AUTS2: variants seen among roughly 807,000 people sequenced by gnomAD.
AUTS2 encodes the protein activator of transcription and developmental regulator AUTS2.
In AUTS2, 17 loss-of-function variants were observed where a neutral mutation model predicts 112.4. That is an observed-to-expected ratio of 0.15 (90% CI 0.10 to 0.23). AUTS2 has a LOEUF of 0.23. AUTS2 is among the 10% of genes least tolerant of loss of function. AUTS2 has a pLI of 1.00. For missense variants in AUTS2, 1,510 were observed against 1,701.6 expected (o/e 0.89, Z 1.98); for synonymous variants, 751 against 702.7 (o/e 1.07, Z -1.09).
intron 1 of AUTS2, among the ~76,000 whole-genome samples, chr7:69,763,217 G>A (rs1788269750): frequency 6.6e-6 from 1 of 152,180 alleles, no homozygotes; most frequent in Non-Finnish European, 1.5e-5. Flanking sequence ...TAGTACATTA[G>A]GGTAATGCCT....
intron 5 of AUTS2, among the ~76,000 whole-genome samples, chr7:70,471,697 G>A (rs1206829337): frequency 6.6e-6 from 1 of 152,108 alleles, no homozygotes; most frequent in Non-Finnish European, 1.5e-5. Flanking sequence ...GTGCTATAGA[G>A]AGAAAAATAG....
At chr7:70,638,264 C>A (rs985365444) in intron 5 of AUTS2, among the ~76,000 whole-genome samples, 2 of 152,006 alleles carry the variant, frequency 1.3e-5, no homozygotes, top group Admixed American at 6.6e-5. Flanking sequence ...AGGTTTTGGA[C>A]GAGTCCCGCC....
intron 1 of AUTS2, among the ~76,000 whole-genome samples, chr7:69,681,502 T>C (rs772132549): frequency 6.6e-6 from 1 of 152,176 alleles, no homozygotes; most frequent in Non-Finnish European, 1.5e-5. Flanking sequence ...CGGGACTGGC[T>C]AATTATTTTT....
chr7:69,908,150 T>G (rs536830184), intron 2 of AUTS2, among the ~76,000 whole-genome samples: 1 of 152,216 alleles, frequency 6.6e-6, no homozygotes. Context: ...AAAACCGTGC[T>G]GAATTATACG....
intron 5 of AUTS2, among the ~76,000 whole-genome samples, chr7:70,585,522 C>T (rs947170965): frequency 2.6e-5 from 4 of 152,174 alleles, no homozygotes; most frequent in Admixed American, 2.0e-4. Context: ...GATGTTGCAA[C>T]GTAAGAGGCT....
chr7:69,868,175 A>G (rs1421095169), intron 1 of AUTS2, among the ~76,000 whole-genome samples: 1 of 152,184 alleles, frequency 6.6e-6, no homozygotes, highest in Non-Finnish European at 1.5e-5. Flanking sequence ...CATAAGATTT[A>G]TAAGTTAGCT....
chr7:69,694,867 G>T (rs1163062862), intron 1 of AUTS2, among the ~76,000 whole-genome samples: 1 of 152,112 alleles, frequency 6.6e-6, no homozygotes, highest in Non-Finnish European at 1.5e-5. Context: ...TTTGCAAAAC[G>T]CCAAACGTCT....
At chr7:70,341,828 A>G (rs1791277691) in intron 4 of AUTS2, among the ~76,000 whole-genome samples, 1 of 152,242 alleles carries the variant, frequency 6.6e-6, no homozygotes, top group African/African-American at 2.4e-5. Flanking sequence ...CAAGAAATGG[A>G]CAACTTATTG....
intron 4 of AUTS2, among the ~76,000 whole-genome samples, chr7:70,166,859 C>CA (rs1181708215): frequency 6.6e-6 from 1 of 152,024 alleles, no homozygotes; most frequent in East Asian, 1.9e-4. Flanking sequence ...GTGCTGCCTG[C>CA]AAAAAACCCA....
intron 5 of AUTS2, among the ~76,000 whole-genome samples, chr7:70,683,085 T>A (rs1808290526): frequency 6.6e-6 from 1 of 152,220 alleles, no homozygotes; most frequent in Non-Finnish European, 1.5e-5. Context: ...AGGCATGACA[T>A]GCACATACAG....
At chr7:70,593,926 G>A (rs984206733) in intron 5 of AUTS2, among the ~76,000 whole-genome samples, 4 of 152,170 alleles carry the variant, frequency 2.6e-5, no homozygotes, top group African/African-American at 7.2e-5. Flanking sequence ...GGCCAGCAGC[G>A]CAAGCACAGC....
chr7:70,729,083 T>C, intron 6 of AUTS2: 1 of 449,608 alleles, frequency 2.2e-6, no homozygotes. Flanking sequence ...GCTGCTCTGC[T>C]CTTGAGAACA....
At chr7:70,677,529 AGT>A (rs1259880418) in intron 5 of AUTS2, among the ~76,000 whole-genome samples, 1 of 151,998 alleles carries the variant, frequency 6.6e-6, no homozygotes, top group Non-Finnish European at 1.5e-5. Flanking sequence ...CTGCCTCCTA[AGT>A]GTGTTTTCTC....
chr7:70,755,306 A>G (rs1371008730), intron 6 of AUTS2, among the ~76,000 whole-genome samples: 1 of 152,016 alleles, frequency 6.6e-6, no homozygotes, highest in Admixed American at 6.6e-5. Context: ...TTTAAAAATT[A>G]AAACTATGCA....
chr7:70,695,495 G>T (rs1809035383), intron 5 of AUTS2, among the ~76,000 whole-genome samples: 1 of 152,206 alleles, frequency 6.6e-6, no homozygotes, highest in South Asian at 2.1e-4. Context: ...GGGTTCGGCA[G>T]CGGGAGAAAG....
At chr7:70,351,261 C>T (rs948874751) in intron 4 of AUTS2, among the ~76,000 whole-genome samples, 8 of 152,072 alleles carry the variant, frequency 5.3e-5, no homozygotes, top group South Asian at 2.1e-4. Flanking sequence ...ACCATGTAGG[C>T]CAGGCTGGTC....
chr7:70,740,054 A>C (rs1788014538), intron 6 of AUTS2, among the ~76,000 whole-genome samples: 1 of 152,136 alleles, frequency 6.6e-6, no homozygotes, highest in South Asian at 2.1e-4. Flanking sequence ...GCCCCTTTAA[A>C]AGGAGGTGTG....
At chr7:69,854,395 C>T (rs903960213) in intron 1 of AUTS2, among the ~76,000 whole-genome samples, 2 of 152,124 alleles carry the variant, frequency 1.3e-5, no homozygotes, top group African/African-American at 4.8e-5. Context: ...CCTGTATTCT[C>T]TTGTACTTCA....
At position 70,183,306 on chromosome 7, in the gene AUTS2, T is replaced by C. The variant is rs374084674; in HGVS notation, c.660+48735T>C. Among the ~76,000 whole-genome samples the C allele has an allele frequency of 8.6e-3, 1,312 of 152,306 alleles. 11 individuals are homozygous for C. The highest frequency in any genetic ancestry group is 0.02 in the Middle Eastern group (6 of 294). On this transcript the variant is annotated intron_variant, in intron 4 of 18. Coordinates refer to ENST00000342771, the MANE Select transcript of AUTS2 (RefSeq NM_015570.4). The stretch of plus-strand genomic sequence containing the variant: ...GGCTGGGCTTGTTTAGAGAAATGCC[T>C]AGAGAGACTTTGATTAATCACCAGA...
Sources: allele counts gnomAD v4.1 joint callset (sites outside exome capture counted in the v4.1 genomes callset), GRCh38; gene constraint gnomAD v4.1.1; transcripts MANE v1.5; gene names NCBI Gene and HGNC (gene_info 2026-07-23, HGNC 2026-07-21).